The following KIF5B variants were observed in gnomAD, a reference collection of about 807,000 sequenced individuals.
KIF5B encodes the protein kinesin-1 heavy chain.
A neutral mutation model predicts 132.8 loss-of-function variants in KIF5B; 49 were observed. That is an observed-to-expected ratio of 0.37 (90% CI 0.29 to 0.47). KIF5B has a LOEUF of 0.47. Ranked by LOEUF, KIF5B falls within the 20% of genes least tolerant of loss-of-function variation. KIF5B has a pLI of 1.00. For synonymous variants in KIF5B, 355 were observed against 369.4 expected (o/e 0.96, Z 0.45); for missense variants, 780 against 1,144.0 (o/e 0.68, Z 4.59).
At chr10:32,037,188 A>AC in intron 8 of KIF5B, 66 bp downstream of exon 8, 1 of 1,483,048 alleles carries the variant, frequency 6.7e-7, no homozygotes, top group Non-Finnish European at 9.2e-7. Flanking sequence ...ACCCTGCGTA[A>AC]CTCCCAACTC....
At chr10:32,022,441 G>C (rs959312364) in intron 16 of KIF5B, among the ~76,000 whole-genome samples, 184 bp from the exon 17 acceptor site, 1 of 152,160 alleles carries the variant, frequency 6.6e-6, no homozygotes, top group Admixed American at 6.5e-5. Flanking sequence ...ATCATAACTT[G>C]CAAACTAAGG....
intron 15 of KIF5B, among the ~76,000 whole-genome samples, chr10:32,025,347 T>G (rs1592442640): frequency 6.6e-6 from 1 of 152,158 alleles, no homozygotes; most frequent in African/African-American, 2.4e-5. Context: ...AACTGAAAAT[T>G]TATGTCCAAA....
intron 6 of KIF5B, 44 bp from the exon 7 acceptor site, chr10:32,037,651 G>A (rs967732631): frequency 2.1e-6 from 3 of 1,408,212 alleles, no homozygotes; most frequent in African/African-American, 1.4e-5. Context: ...TGGCCAACAT[G>A]ATGAAACCCT....
In KIF5B at chr10:32,009,955, A is replaced by T. The variant is rs138502495; in HGVS notation, c.*1582T>A. 14 of 152,160 alleles carry T rather than the reference A, an allele frequency of 9.2e-5. No individual in the cohort carries two copies. The East Asian group carries it at 2.7e-3, about 29-fold the overall frequency. 9.4% of individuals were successfully genotyped at this position (152,160 alleles called of 1,614,324 possible). ...TTGACTATTAAAAAAATAAATAAAT[A>T]AATTTATATTTTAAATCAAAATTAT... On this transcript the variant is annotated 3_prime_UTR_variant, in exon 26 of 26. Coordinates refer to ENST00000302418, the MANE Select transcript of KIF5B (RefSeq NM_004521.3).
At chr10:32,052,172 T>G (rs1253499235) in intron 1 of KIF5B, among the ~76,000 whole-genome samples, 1 of 152,230 alleles carries the variant, frequency 6.6e-6, no homozygotes, top group Admixed American at 6.5e-5. Flanking sequence ...CTGGCAGGGA[T>G]ATGTCTTTCT....
intron 10 of KIF5B, among the ~76,000 whole-genome samples, chr10:32,035,143 C>T (rs552850306): frequency 6.6e-6 from 1 of 152,236 alleles, no homozygotes; most frequent in South Asian, 2.1e-4. Context: ...AAGTCAAAGA[C>T]GGAATCATCA....
In KIF5B at chr10:32,039,317, A is replaced by G. The variant is rs1321371738; in HGVS notation, c.393+10T>C. ...TAAAATAAAATATAATCTTTCCTCA[A>G]GGAATTTACCTTAATATGAAATTCC... is the stretch of plus-strand genomic sequence containing the variant. On this transcript the variant is annotated intron_variant, in intron 4 of 25. Coordinates refer to ENST00000302418, the MANE Select transcript of KIF5B (RefSeq NM_004521.3). The G allele has an allele frequency of 2.2e-6, 2 of 891,870 alleles. No individual in the cohort carries two copies. The highest frequency in any genetic ancestry group is 3.6e-6 in the Non-Finnish European group (2 of 563,078). The allele number at this position is 891,870 out of a possible 1,614,324, so 55.2% of individuals were successfully genotyped here.
chr10:32,020,979 GTAACCGATTCTTTCCTCC>G, intron 19 of KIF5B, 25 bp downstream of exon 19: 1 of 1,071,794 alleles, frequency 9.3e-7, no homozygotes, highest in Non-Finnish European at 1.4e-6. Flanking sequence ...ATGACCATCA[GTAACCGATTCTTTCCTCC>G]TAACTAGAGA....
chr10:32,038,906 T>C (rs988368621), intron 4 of KIF5B, 80 bp from the exon 5 acceptor site: 49 of 820,920 alleles, frequency 6.0e-5, no homozygotes, highest in Non-Finnish European at 9.4e-5. Flanking sequence ...GTGCTAGGCA[T>C]TGTTTAGACT....
intron 1 of KIF5B, among the ~76,000 whole-genome samples, chr10:32,049,465 C>T (rs1435393842): frequency 1.3e-5 from 2 of 152,110 alleles, no homozygotes; most frequent in East Asian, 3.9e-4. Flanking sequence ...AAAAAGGTTT[C>T]GTGTAGGAAA....
chr10:32,042,490 A>G (rs1021869726), intron 2 of KIF5B, among the ~76,000 whole-genome samples: 2 of 152,166 alleles, frequency 1.3e-5, no homozygotes, highest in Non-Finnish European at 2.9e-5. Flanking sequence ...TTTAATCATA[A>G]CACTTACCAA....
Position 32,055,035 on chromosome 10 carries a change from C to A in KIF5B, c.126+813G>T, listed in dbSNP as rs914381343. 2.0e-5 allele frequency among the ~76,000 whole-genome samples: 3 copies of A among 152,174 alleles called. No individual in the cohort carries two copies. The South Asian group carries it at 6.2e-4, about 32-fold the overall frequency. ...AGTTTGTTTTTATAACACTTTCTGT[C>A]TGATACAAAAACAAAAAGTTAATAC... On this transcript the variant is annotated intron_variant, in intron 1 of 25. Coordinates refer to ENST00000302418, the MANE Select transcript of KIF5B (RefSeq NM_004521.3).
chr10:32,017,391 G>T, intron 23 of KIF5B, 32 bp from the exon 24 acceptor site: 1 of 1,507,334 alleles, frequency 6.6e-7, no homozygotes, highest in Non-Finnish European at 9.2e-7. Context: ...AAGGATTCCA[G>T]ATTTAACAGG....
Position 32,035,998 on chromosome 10 carries a change from T to C in KIF5B, c.712-4A>G, listed in dbSNP as rs201264144. On this transcript the variant is annotated splice_polypyrimidine_tract_variant and splice_region_variant and intron_variant, in intron 8 of 25. Transcript: ENST00000302418. ...CTTCAGCTCCAGTTTTACTAACCTA[T>C]ACATAAGATTTCAAAAGAATGAAAC... 90 of 1,533,884 alleles carry C rather than the reference T, an allele frequency of 5.9e-5. 1 individual carries two copies. In the Middle Eastern group the frequency reaches 1.2e-3, roughly 21 times the overall value.
At chr10:32,020,454 G>T (rs1033410893) in intron 19 of KIF5B, among the ~76,000 whole-genome samples, 13 of 151,846 alleles carry the variant, frequency 8.6e-5, no homozygotes, top group African/African-American at 3.1e-4. Flanking sequence ...TTTGAGTCAG[G>T]GTCTCGCTCT....
At position 32,011,296 on chromosome 10, in the gene KIF5B, G is replaced by A. The variant is rs139367051; in HGVS notation, c.*241C>T. 1.4e-3 allele frequency: 210 copies of A among 152,710 alleles called. No homozygotes were observed. The highest frequency in any genetic ancestry group is 1.9e-3 in the Non-Finnish European group (126 of 67,998). The allele number at this position is 152,710 out of a possible 1,614,324, so 9.5% of individuals were successfully genotyped here. A position where few individuals can be genotyped will look rare whatever the true frequency, so the allele number is the denominator to read the frequency against. ...ATAAATAGGGCCACAGTTGTAAACT[G>A]TCCTTTTTCCCTCCTAAGATGCCAA... is the stretch of plus-strand genomic sequence containing the variant. On this transcript the variant is annotated 3_prime_UTR_variant, in exon 26 of 26. Transcript: ENST00000302418.
intron 2 of KIF5B, among the ~76,000 whole-genome samples, chr10:32,042,903 C>T (rs1841560730): frequency 6.6e-6 from 1 of 152,154 alleles, no homozygotes; most frequent in Non-Finnish European, 1.5e-5. Context: ...TTACTATTAA[C>T]ATCTGAGAGC....
chr10:32,018,246 T>A (rs572100337), intron 22 of KIF5B, 70 bp downstream of exon 22: 1 of 1,455,590 alleles, frequency 6.9e-7, no homozygotes. Flanking sequence ...TTATTTCACT[T>A]TGAATACAAA....
chr10:32,020,989 C>A (rs1006839904), intron 19 of KIF5B, 33 bp downstream of exon 19: 2 of 1,230,392 alleles, frequency 1.6e-6, no homozygotes, highest in African/African-American at 3.0e-5. Flanking sequence ...GTAACCGATT[C>A]TTTCCTCCTA....
Sources: allele counts gnomAD v4.1 joint callset (sites outside exome capture counted in the v4.1 genomes callset), GRCh38; gene constraint gnomAD v4.1.1; transcripts MANE v1.5; gene names NCBI Gene and HGNC (gene_info 2026-07-23, HGNC 2026-07-21).